Variants in NBAS observed in about 807,000 individuals in gnomAD.
NBAS encodes the protein NBAS subunit of NRZ tethering complex, also known as NAG/BC035112 fusion.
A neutral mutation model predicts 302.5 loss-of-function variants in NBAS; 219 were observed. The observed-to-expected ratio is 0.72, with a 90% CI of 0.65 to 0.81. The LOEUF (loss-of-function observed/expected upper bound fraction) is 0.81, where lower values mean the gene tolerates loss of function less well. NBAS is among the 30% of genes least tolerant of loss of function. The pLI, the probability that NBAS is intolerant of heterozygous loss-of-function variation, is 0.00. For missense variants in NBAS, 2,932 were observed against 2,841.6 expected, an observed-to-expected ratio of 1.03 and a Z score of -0.72; for synonymous variants, 1,118 against 1,021.6, an observed-to-expected ratio of 1.09 and a Z score of -1.80.
chr2:15,450,304 A>T (rs1343427667), intron 21 of NBAS, among the ~76,000 whole-genome samples: 1 of 152,230 alleles, frequency 6.6e-6, no homozygotes, highest in Non-Finnish European at 1.5e-5. Flanking sequence ...ATATACACAA[A>T]GACTCAGTAT....
the NBAS span, among the ~76,000 whole-genome samples, chr2:15,034,746 C>T: frequency 0.049 from 7,451 of 151,880 alleles, 513 homozygotes; most frequent in African/African-American, 0.15. Flanking sequence ...CATGTACTTG[C>T]TAATAGTTGA....
chr2:15,144,037 C>CATATATATATA, the NBAS span, among the ~76,000 whole-genome samples: 1 of 45,872 alleles, frequency 2.2e-5, no homozygotes, highest in South Asian at 8.1e-4. Flanking sequence ...ATATATTATC[C>CATATATATATA]TATATATAAA....
the NBAS span, among the ~76,000 whole-genome samples, chr2:15,052,598 G>A: frequency 6.6e-6 from 1 of 152,124 alleles, no homozygotes; most frequent in African/African-American, 2.4e-5. Flanking sequence ...GAAACTACAT[G>A]TGTCCAGAGG....
chr2:15,302,451 C>A (rs1222077483), intron 40 of NBAS, among the ~76,000 whole-genome samples: 1 of 152,106 alleles, frequency 6.6e-6, no homozygotes, highest in Non-Finnish European at 1.5e-5. Context: ...TCTGTTCCCA[C>A]AGGATTAATG....
At chr2:15,024,340 G>C in the NBAS span, among the ~76,000 whole-genome samples, 2 of 151,958 alleles carry the variant, frequency 1.3e-5, no homozygotes, top group Non-Finnish European at 2.9e-5. Flanking sequence ...GTATTACATG[G>C]TATATATGTA....
chr2:15,388,382 A>G (rs1217666691), intron 28 of NBAS, among the ~76,000 whole-genome samples: 1 of 148,250 alleles, frequency 6.7e-6, no homozygotes, highest in Non-Finnish European at 1.5e-5. Flanking sequence ...CATGTAAGAA[A>G]TGCATATTAA....
At chr2:15,425,325 A>G (rs1418806306) in intron 22 of NBAS, among the ~76,000 whole-genome samples, 1 of 152,228 alleles carries the variant, frequency 6.6e-6, no homozygotes, top group African/African-American at 2.4e-5. Context: ...AGAATCAGAC[A>G]TACAATTCCA....
At chr2:15,308,016 A>G (rs1459787009) in intron 40 of NBAS, among the ~76,000 whole-genome samples, 200 bp downstream of exon 40, 1 of 152,238 alleles carries the variant, frequency 6.6e-6, no homozygotes, top group African/African-American at 2.4e-5. Flanking sequence ...AACAGTATTC[A>G]CAATAAATAT....
At chr2:14,929,040 G>C in the NBAS span, among the ~76,000 whole-genome samples, 2,152 of 152,214 alleles carry the variant, frequency 0.014, 61 homozygotes, top group African/African-American at 0.05. Context: ...GCATGGACTG[G>C]AAAGCACCAA....
intron 16 of NBAS, among the ~76,000 whole-genome samples, chr2:15,471,435 T>C (rs991192592): frequency 6.6e-6 from 1 of 152,218 alleles, no homozygotes; most frequent in African/African-American, 2.4e-5. Context: ...TACTAACGTA[T>C]AAAACTTTTA....
chr2:15,213,703 T>A (rs146636659), intron 48 of NBAS, among the ~76,000 whole-genome samples: 3 of 152,296 alleles, frequency 2.0e-5, no homozygotes, highest in Non-Finnish European at 2.9e-5. Flanking sequence ...GTTTTAAAGA[T>A]TAGCGTGCAC....
At chr2:15,367,297 C>A (rs1225022545) in intron 31 of NBAS, among the ~76,000 whole-genome samples, 1 of 152,034 alleles carries the variant, frequency 6.6e-6, no homozygotes, top group Non-Finnish European at 1.5e-5. Flanking sequence ...AAACCCTAGA[C>A]AAAGGGTACT....
chr2:15,299,757 GA>G (rs764617215), intron 40 of NBAS, among the ~76,000 whole-genome samples: 10 of 151,450 alleles, frequency 6.6e-5, no homozygotes, highest in East Asian at 1.9e-4. Context: ...AGATATGAGG[GA>G]AAAAAAATCA....
intron 28 of NBAS, among the ~76,000 whole-genome samples, chr2:15,383,665 G>T (rs867386896): frequency 1.1e-4 from 16 of 152,190 alleles, no homozygotes; most frequent in African/African-American, 3.9e-4. Flanking sequence ...AGATAAAGCA[G>T]CTATGATATA....
chr2:15,553,692 C>G (rs1231162638), intron 4 of NBAS, among the ~76,000 whole-genome samples: 2 of 151,378 alleles, frequency 1.3e-5, no homozygotes, highest in Non-Finnish European at 2.9e-5. Flanking sequence ...AGCTCTCTCT[C>G]CCCCACTCTC....
chr2:15,129,470 C>T, the NBAS span, among the ~76,000 whole-genome samples: 1 of 152,192 alleles, frequency 6.6e-6, no homozygotes, highest in African/African-American at 2.4e-5. Flanking sequence ...GCCCCGCCTC[C>T]CTTATGTGCC....
the NBAS span, among the ~76,000 whole-genome samples, chr2:15,053,668 G>A: frequency 2.4e-4 from 36 of 151,984 alleles, no homozygotes; most frequent in Admixed American, 7.2e-4. Flanking sequence ...GGGGGATCTC[G>A]GGGTCCAGTT....
the NBAS span, among the ~76,000 whole-genome samples, chr2:14,979,305 C>A: frequency 2.0e-5 from 3 of 152,084 alleles, no homozygotes; most frequent in Admixed American, 6.6e-5. Flanking sequence ...TTTAAATAGT[C>A]ATTGTCTGCT....
intron 31 of NBAS, among the ~76,000 whole-genome samples, chr2:15,372,885 G>A (rs1674556197): frequency 6.6e-6 from 1 of 152,128 alleles, no homozygotes; most frequent in Admixed American, 6.6e-5. Flanking sequence ...AAATCCAGTA[G>A]CACTTGGGTG....
Sources: allele counts gnomAD v4.1 joint callset (sites outside exome capture counted in the v4.1 genomes callset), GRCh38; gene constraint gnomAD v4.1.1; transcripts MANE v1.5; gene names NCBI Gene and HGNC (gene_info 2026-07-23, HGNC 2026-07-21).